Variants in ALG11 observed in about 807,000 individuals in gnomAD.
The protein encoded by ALG11 is ALG11 alpha-1,2-mannosyltransferase.
In ALG11, 26 loss-of-function variants were observed where a neutral mutation model predicts 38.8. The ratio of observed to expected loss-of-function variants is 0.67; its 90% CI spans 0.49 to 0.93. The LOEUF is 0.93. Ranked by LOEUF, ALG11 falls within the 40% of genes least tolerant of loss-of-function variation. The pLI, the probability that ALG11 is intolerant of heterozygous loss-of-function variation, is 0.00. For synonymous variants in ALG11, 199 were observed against 211.6 expected (o/e 0.94, Z 0.52); for missense variants, 535 against 578.8 (o/e 0.92, Z 0.78).
chr13:52,018,973 G>A lies in ALG11; in HGVS notation c.105G>A (p.Leu35=). The change falls in exon 2 of 4, where the codon TTG becomes TTA. Residue 35 remains leucine (L), a synonymous_variant. Coordinates refer to ENST00000521508, the MANE Select transcript of ALG11 (RefSeq NM_001004127.3). ...LIVCGTLCVC[L]VIVLWGIRLL... The stretch of plus-strand genomic sequence containing the variant: ...TATGTGGAACTTTATGTGTGTGTTT[G>A]GTCATTGTCCTTTGGGGAATCAGAC... 6.2e-7 allele frequency: 1 copy of A among 1,613,856 alleles called. No homozygotes were observed. The highest frequency in any genetic ancestry group is 2.2e-5 in the East Asian group (1 of 44,856).
chr13:52,019,216 CTTTT>C (rs767701891), intron 2 of ALG11, 73 bp downstream of exon 2: 1,495 of 444,742 alleles, frequency 3.4e-3, no homozygotes, highest in Middle Eastern at 5.4e-3. Context: ...AGAAATTCAT[CTTTT>C]TTTTTTTTTT....
At chr13:52,014,488 C>T (rs1018596077) in intron 1 of ALG11, among the ~76,000 whole-genome samples, 3 of 151,648 alleles carry the variant, frequency 2.0e-5, no homozygotes, top group African/African-American at 7.3e-5. Context: ...TGATTTTTGC[C>T]CTTCGCAAGA....
In ALG11 at chr13:52,028,494, C is replaced by G; in HGVS notation, c.1383C>G (p.Leu461=). Reference sequence around the variant, plus strand: ...TTTCCATGTCTGCAGAAAAGAGACTCCAAATCAGAAAAAGTGCTCGTGCAT... The same window carrying G: ...TTTCCATGTCTGCAGAAAAGAGACTGCAAATCAGAAAAAGTGCTCGTGCAT... ...HILSMSAEKR[L]QIRKSARASV... Residue 461 remains leucine, a synonymous_variant, in exon 4 of 4, where the codon CTC becomes CTG. Coordinates refer to ENST00000521508, the MANE Select transcript of ALG11 (RefSeq NM_001004127.3). 6.2e-7 allele frequency: 1 copy of G among 1,614,106 alleles called. No individual in the cohort carries two copies. Among genetic ancestry groups the G allele is most frequent in the Non-Finnish European group, 8.5e-7 (1 of 1,180,022 alleles).
intron 2 of ALG11, among the ~76,000 whole-genome samples, chr13:52,020,243 G>A (rs559335028): frequency 2.0e-5 from 3 of 152,122 alleles, no homozygotes; most frequent in Non-Finnish European, 2.9e-5. Flanking sequence ...TTGAGGCTTC[G>A]TCATCACCAC....
Position 52,028,446 on chromosome 13 carries a change from TG to T in ALG11, c.1336del (p.Ala446LeufsTer26). 1 of 1,614,198 alleles carries T rather than the reference TG, an allele frequency of 6.2e-7. No individual in the cohort carries two copies. The highest frequency in any genetic ancestry group is 1.1e-5 in the South Asian group (1 of 91,084). On this transcript the variant is annotated frameshift_variant, in exon 4 of 4. Transcript: ENST00000521508. LOFTEE classifies it high-confidence loss of function. ...GFLAESEEDY[A>X]ETIAHILSMS... ...TTCTGGCTGAGAGTGAAGAAGACTA[TG>T]CTGAAACTATCGCTCACATTCTTTC...
intron 2 of ALG11, chr13:52,021,219 T>A (rs1271889403): frequency 6.6e-6 from 1 of 152,246 alleles, no homozygotes; most frequent in Non-Finnish European, 1.5e-5. Context: ...CTGCATTCAC[T>A]GCGTGATGAT....
intron 3 of ALG11, 72 bp from the exon 4 acceptor site, chr13:52,028,247 T>G (rs1334257160): frequency 6.3e-7 from 1 of 1,584,224 alleles, no homozygotes; most frequent in Admixed American, 1.7e-5. Flanking sequence ...TTTGAAGATT[T>G]CTATTCATCC....
At chr13:52,019,762 G>A (rs567775053) in intron 2 of ALG11, among the ~76,000 whole-genome samples, 2 of 152,204 alleles carry the variant, frequency 1.3e-5, no homozygotes, top group Admixed American at 6.5e-5. Context: ...GCACCATGGC[G>A]AAACCCTGTC....
chr13:52,031,373 AAAG>A lies in ALG11; in HGVS notation c.*2786_*2788del, dbSNP rs1954302171. 6 of 459,920 alleles carry A rather than the reference AAAG, an allele frequency of 1.3e-5. No homozygotes were observed. The East Asian group carries it at 2.0e-4, about 15-fold the overall frequency. The allele number at this position is 459,920 out of a possible 1,614,324, so 28.5% of individuals were successfully genotyped here. A position where few individuals can be genotyped will look rare whatever the true frequency, so the allele number is the denominator to read the frequency against. ...GAATATACCTAATGATTTCCTTAAA[AAAG>A]AAATTTTAAACAGACTTGTTTAATC... On this transcript the variant is annotated 3_prime_UTR_variant, in exon 4 of 4. Coordinates refer to ENST00000521508, the MANE Select transcript of ALG11 (RefSeq NM_001004127.3).
chr13:52,017,819 C>T (rs996493105), intron 1 of ALG11: 1 of 152,324 alleles, frequency 6.6e-6, no homozygotes, highest in Admixed American at 6.5e-5. Context: ...GCCCAGAGCC[C>T]AGTCTGCTAT....
At chr13:52,028,279 A>G (rs2140846904) in intron 3 of ALG11, 40 bp from the exon 4 acceptor site, 1 of 1,613,772 alleles carries the variant, frequency 6.2e-7, no homozygotes, top group Non-Finnish European at 8.5e-7. Context: ...AACACACTCA[A>G]AAACTTAAAA....
At position 52,029,134 on chromosome 13, in the gene ALG11, A is replaced by G. The variant is rs945304110; in HGVS notation, c.*544A>G. The G allele has an allele frequency of 3.1e-6, 5 of 1,614,126 alleles. No homozygotes were observed. In the African/African-American group the frequency reaches 5.3e-5, roughly 17 times the overall value. ...TAAAAAAGCAACTGAATAGAGTCAAATCAAAGAAGGTGGTGGAGTTACCTC... is the reference window on the plus strand; with the variant it reads ...TAAAAAAGCAACTGAATAGAGTCAAGTCAAAGAAGGTGGTGGAGTTACCTC... On this transcript the variant is annotated 3_prime_UTR_variant, in exon 4 of 4. Transcript: ENST00000521508.
intron 2 of ALG11, chr13:52,022,664 C>T (rs568686858): frequency 3.4e-4 from 52 of 152,068 alleles, no homozygotes; most frequent in African/African-American, 1.3e-3. Context: ...ACCCCCAAAA[C>T]CTGGCATCTC....
At chr13:52,019,223 T>C in intron 2 of ALG11, 80 bp downstream of exon 2, 1 of 1,243,108 alleles carries the variant, frequency 8.0e-7, no homozygotes, top group Non-Finnish European at 1.1e-6. Flanking sequence ...CATCTTTTTT[T>C]TTTTTTTTTT....
rs1295689531 is a variant in ALG11 at position 52,029,329 on chromosome 13, T to C, written c.*739T>C. 1.2e-6 allele frequency: 2 copies of C among 1,614,032 alleles called. No individual in the cohort carries two copies. The highest frequency in any genetic ancestry group is 1.7e-6 in the Non-Finnish European group (2 of 1,180,034). The stretch of plus-strand genomic sequence containing the variant: ...TTGCTCCCATTGAACATGCGCTCAG[T>C]GGCTGGAAGGCAAGAACTCCCCTGG... On this transcript the variant is annotated 3_prime_UTR_variant, in exon 4 of 4. Coordinates refer to ENST00000521508, the MANE Select transcript of ALG11 (RefSeq NM_001004127.3).
chr13:52,032,541 A>G lies in ALG11; in HGVS notation c.*3951A>G, dbSNP rs1954315984. 1.2e-5 allele frequency: 2 copies of G among 167,074 alleles called. No homozygotes were observed. The highest frequency in any genetic ancestry group is 2.1e-4 in the South Asian group (1 of 4,828). The allele number at this position is 167,074 out of a possible 1,614,324, so 10.3% of individuals were successfully genotyped here. A position where few individuals can be genotyped will look rare whatever the true frequency, so the allele number is the denominator to read the frequency against. ...GATTCATCTTTGTGTTAAGGGGCAA[A>G]TGAAACGGTATATTATTTCTTTGCA... On this transcript the variant is annotated 3_prime_UTR_variant, in exon 4 of 4. Transcript: ENST00000521508.
rs1053549004 is a variant in ALG11 at position 52,028,456 on chromosome 13, A to G, written c.1345A>G (p.Ile449Val). ...GAGTGAAGAAGACTATGCTGAAACT[A>G]TCGCTCACATTCTTTCCATGTCTGC... ...AESEEDYAET[I>V]AHILSMSAEK... Residue 449 changes from isoleucine (I) to valine (V), a missense_variant, in exon 4 of 4, where the codon ATC becomes GTC. Transcript: ENST00000521508. 12 of 1,614,122 alleles carry G rather than the reference A, an allele frequency of 7.4e-6. No homozygotes were observed. The East Asian group carries it at 1.1e-4, about 15-fold the overall frequency.
At chr13:52,013,925 G>A (rs771651544) in intron 1 of ALG11, among the ~76,000 whole-genome samples, 1 of 152,096 alleles carries the variant, frequency 6.6e-6, no homozygotes, top group Non-Finnish European at 1.5e-5. Flanking sequence ...AAGTGATAGC[G>A]GATAAAACTA....
chr13:52,018,083 T>C (rs1167105921), intron 1 of ALG11, among the ~76,000 whole-genome samples: 1 of 152,216 alleles, frequency 6.6e-6, no homozygotes, highest in Non-Finnish European at 1.5e-5. Flanking sequence ...CATTTTATTT[T>C]AACACATTTT....
Sources: gnomAD v4.1 joint callset for allele counts (sites outside exome capture counted in the v4.1 genomes callset) on GRCh38, gnomAD v4.1.1 for gene constraint, MANE v1.5 for transcripts, NCBI Gene and HGNC (gene_info 2026-07-23, HGNC 2026-07-21) for gene names.